Variants in ZNF407 observed in about 807,000 individuals in gnomAD.
ZNF407 encodes zinc finger protein 407.
ZNF407 carries 17 observed loss-of-function variants against 131.2 expected under a neutral mutation model. The observed-to-expected ratio is 0.13, with a 90% CI of 0.09 to 0.19. The LOEUF (loss-of-function observed/expected upper bound fraction) is 0.19. Ranked by LOEUF, ZNF407 falls within the 10% of genes least tolerant of loss-of-function variation. The pLI is 1.00. For missense variants in ZNF407, 2,681 were observed against 2,830.6 expected (o/e 0.95, Z 1.20); for synonymous variants, 1,156 against 1,062.0 (o/e 1.09, Z -1.72).
Position 74,633,043 on chromosome 18 carries a change from T to C in ZNF407, c.2024T>C (p.Met675Thr), listed in dbSNP as rs1454956666. The C allele has an allele frequency of 2.5e-6, 4 of 1,613,818 alleles. No individual in the cohort carries two copies. The highest frequency in any genetic ancestry group is 3.4e-6 in the Non-Finnish European group (4 of 1,179,912). ...GAATCAGAAAACGCAAAAGAGTCTA[T>C]GGATGACTCAGGAAAAGCATCTCAG... is the stretch of plus-strand genomic sequence containing the variant. ...TLESENAKES[M>T]DDSGKASQEE... The change falls in exon 2 of 9, where the codon ATG becomes ACG. Residue 675 changes from methionine (M) to threonine (T), a missense_variant. Physicochemically the swap from Met to Thr is moderately conservative, Grantham distance 81 (BLOSUM62 -1). This residue lies in a region of ZNF407 where 1,789 missense variants were observed against 1,748.7 expected (regional missense o/e 1.02). Coordinates refer to ENST00000299687, the MANE Select transcript of ZNF407 (RefSeq NM_017757.3).
intron 3 of ZNF407, among the ~76,000 whole-genome samples, chr18:74,753,225 A>G (rs1174999587): frequency 3.3e-5 from 5 of 152,178 alleles, no homozygotes; most frequent in African/African-American, 9.7e-5. Context: ...ATTTTTGCAT[A>G]TTGATTTTGT....
intron 8 of ZNF407, chr18:75,061,143 A>C (rs989131032): frequency 2.0e-5 from 3 of 152,238 alleles, no homozygotes; most frequent in Non-Finnish European, 4.4e-5. Context: ...AGATCCTAGC[A>C]ATAAATAATC....
intron 4 of ZNF407, among the ~76,000 whole-genome samples, chr18:74,863,035 C>T (rs1484903509): frequency 6.6e-6 from 1 of 151,828 alleles, no homozygotes; most frequent in African/African-American, 2.4e-5. Context: ...ATTCTCCTGC[C>T]TCAGCCTCCC....
intron 8 of ZNF407, among the ~76,000 whole-genome samples, chr18:74,941,932 A>G (rs1404865353): frequency 6.6e-6 from 1 of 152,214 alleles, no homozygotes; most frequent in Admixed American, 6.5e-5. Flanking sequence ...AGACTTCTGC[A>G]GGATGGCAGG....
chr18:74,686,728 G>C (rs560923067), intron 3 of ZNF407, among the ~76,000 whole-genome samples: 13 of 152,260 alleles, frequency 8.5e-5, no homozygotes, highest in African/African-American at 2.9e-4. Flanking sequence ...TTTTGTTATA[G>C]ATGCTTAGTG....
chr18:75,021,022 T>C (rs566333656), intron 8 of ZNF407, among the ~76,000 whole-genome samples: 265 of 152,268 alleles, frequency 1.7e-3, no homozygotes, highest in African/African-American at 6.1e-3. Context: ...CATTTCATTT[T>C]CACACCAGCC....
chr18:74,895,211 GT>G (rs561337093), intron 7 of ZNF407, among the ~76,000 whole-genome samples: 55 of 144,352 alleles, frequency 3.8e-4, no homozygotes, highest in Middle Eastern at 7.2e-3. Context: ...ATCTTAAGAG[GT>G]TTTTTTTTTT....
At chr18:74,856,108 AG>A (rs1970855717) in intron 4 of ZNF407, among the ~76,000 whole-genome samples, 1 of 152,258 alleles carries the variant, frequency 6.6e-6, no homozygotes, top group Admixed American at 6.5e-5. Flanking sequence ...AGGAAATAAA[AG>A]CAACCCTATT....
Position 74,634,918 on chromosome 18 carries a change from A to G in ZNF407, c.3899A>G (p.Asp1300Gly). 3 of 1,613,896 alleles carry G rather than the reference A, an allele frequency of 1.9e-6. No individual in the cohort carries two copies. Among genetic ancestry groups the G allele is most frequent in the Non-Finnish European group, 2.5e-6 (3 of 1,179,840 alleles). The change falls in exon 2 of 9, where the codon GAT becomes GGT. Residue 1300 changes from aspartate (D) to glycine (G), a missense_variant. Around this residue, in one of 6 missense-constraint regions of ZNF407, gnomAD observed 1,789 missense variants for 1,748.7 expected, o/e 1.02. Transcript: ENST00000299687. ...GAAGACTTGAAAGGTGTCCAAGAAG[A>G]TCCCGTTCTGGGGAATAAGGAAATT... ...GLEDLKGVQE[D>G]PVLGNKEILM...
rs751363015 is a variant in ZNF407, at chr18:75,063,527, G to A, written c.5806G>A (p.Asp1936Asn). 6.3e-7 allele frequency: 1 copy of A among 1,577,528 alleles called. No homozygotes were observed. The highest frequency in any genetic ancestry group is 1.8e-5 in the Admixed American group (1 of 54,436). ...PGPILPEQLA[D>N]GATQVVVVGG... ...ACCCATCCTCCCCGAGCAGCTGGCT[G>A]ATGGAGCCACCCAGGTGGTCGTCGT... Residue 1936 changes from aspartate to asparagine, a missense_variant, in exon 9 of 9, where the codon GAT becomes AAT. Around this residue, in one of 6 missense-constraint regions of ZNF407, gnomAD observed 620 missense variants for 583.1 expected, o/e 1.06. Coordinates refer to ENST00000299687, the MANE Select transcript of ZNF407 (RefSeq NM_017757.3). The surrounding 1 kb of genome is among the most constrained non-coding windows in gnomAD (Gnocchi z 6.6).
chr18:74,680,204 A>G (rs1966948993), intron 3 of ZNF407, among the ~76,000 whole-genome samples: 1 of 152,132 alleles, frequency 6.6e-6, no homozygotes, highest in African/African-American at 2.4e-5. Context: ...CAGCCTGGGC[A>G]ACATGGGGAA....
At position 74,818,865 on chromosome 18, in the gene ZNF407, T is replaced by TAAAAAAAAAA. The variant is rs11392274; in HGVS notation, c.4877+37369_4877+37378dup. 1.7e-3 allele frequency among the ~76,000 whole-genome samples: 238 copies of TAAAAAAAAAA among 139,366 alleles called. 3 individuals are homozygous for TAAAAAAAAAA. The South Asian group carries it at 0.03, about 17-fold the overall frequency. The allele number at this position is 139,366 out of a possible 152,430, so 91.4% of individuals were successfully genotyped here. On this transcript the variant is annotated intron_variant, in intron 4 of 8. Transcript: ENST00000299687. ...AACTGGTTTTAAGGCCATTGAACAG[T>TAAAAAAAAAA]AAAAAAAAAAAAAAAGCTAAACATG...
At chr18:74,870,007 G>A (rs937526201) in intron 4 of ZNF407, among the ~76,000 whole-genome samples, 5 of 152,172 alleles carry the variant, frequency 3.3e-5, no homozygotes, top group African/African-American at 1.2e-4. Flanking sequence ...AAATTTCATA[G>A]CAGAGATTTT....
At chr18:74,655,007 T>A (rs945568783) in intron 3 of ZNF407, among the ~76,000 whole-genome samples, 1 of 151,976 alleles carries the variant, frequency 6.6e-6, no homozygotes, top group African/African-American at 2.4e-5. Flanking sequence ...TAAAAAGTGG[T>A]ATTTTACTTT....
chr18:74,602,747 C>T (rs1205124824), intron 1 of ZNF407, among the ~76,000 whole-genome samples: 4 of 152,186 alleles, frequency 2.6e-5, no homozygotes, highest in Non-Finnish European at 5.9e-5. Context: ...CACTAAGTTA[C>T]ATTACCTTCT....
chr18:74,680,628 G>A, intron 3 of ZNF407, among the ~76,000 whole-genome samples: 1 of 152,086 alleles, frequency 6.6e-6, no homozygotes, highest in East Asian at 1.9e-4. Context: ...GATGGTTGAA[G>A]CTGGTTTATA....
At chr18:74,894,284 G>A (rs1971424440) in intron 7 of ZNF407, among the ~76,000 whole-genome samples, 1 of 151,930 alleles carries the variant, frequency 6.6e-6, no homozygotes, top group African/African-American at 2.4e-5. Context: ...TAAATTCAAA[G>A]CACAAATTGG....
At chr18:74,792,903 CA>C (rs1568218119) in intron 4 of ZNF407, among the ~76,000 whole-genome samples, 1 of 152,174 alleles carries the variant, frequency 6.6e-6, no homozygotes, top group Non-Finnish European at 1.5e-5. Context: ...CCACGTCTTA[CA>C]GAATCTATGA....
intron 7 of ZNF407, among the ~76,000 whole-genome samples, chr18:74,898,836 T>C (rs774588266): frequency 2.0e-5 from 3 of 152,226 alleles, no homozygotes; most frequent in Non-Finnish European, 4.4e-5. Flanking sequence ...ATTTCAAATT[T>C]TGTGCTTAAA....
Sources: gnomAD v4.1 joint callset for allele counts (sites outside exome capture counted in the v4.1 genomes callset) on GRCh38, gnomAD v4.1.1 for gene constraint, gnomAD v4.1.1 regional missense constraint, Gnocchi (gnomAD v3.1) non-coding constraint, MANE v1.5 for transcripts, NCBI Gene and HGNC (gene_info 2026-07-23, HGNC 2026-07-21) for gene names.